The following PDCD2 variants were observed in gnomAD, a reference collection of about 807,000 sequenced individuals.
PDCD2 encodes the protein uS5 assembly chaperone PDCD2.
In PDCD2, 38 loss-of-function variants were observed where a neutral mutation model predicts 38.1. The ratio of observed to expected loss-of-function variants is 1.00; its 90% CI spans 0.77 to 1.31. The LOEUF is 1.31. PDCD2 is among the 50% of genes most tolerant of loss of function. The probability of loss-of-function intolerance (pLI) is 0.00; values close to 1 mark genes in which losing one functional copy is unlikely to be tolerated. For synonymous variants in PDCD2, 205 were observed against 168.9 expected (o/e 1.21, Z -1.66); for missense variants, 473 against 435.7 (o/e 1.09, Z -0.76).
chr6:170,580,962 A>G (rs1028587463), intron 3 of PDCD2: 1 of 152,196 alleles, frequency 6.6e-6, no homozygotes, highest in Non-Finnish European at 1.5e-5. Flanking sequence ...ATGCCTTCAG[A>G]TTGATGTTCC....
chr6:170,581,644 TC>T (rs1413200159), intron 3 of PDCD2: 1 of 158,234 alleles, frequency 6.3e-6, no homozygotes, highest in African/African-American at 2.4e-5. Context: ...AACATTATCT[TC>T]CTCCTACGCC....
Position 170,578,947 on chromosome 6 carries a change from AAT to A in PDCD2, c.784_785del (p.Ile262CysfsTer8), listed in dbSNP as rs1491403020. 5.0e-6 allele frequency: 8 copies of A among 1,598,066 alleles called. No homozygotes were observed. The highest frequency in any genetic ancestry group is 1.8e-5 in the Admixed American group (1 of 56,518). On this transcript the variant is annotated frameshift_variant, in exon 5 of 6. Transcript: ENST00000541970. LOFTEE classifies it high-confidence loss of function. ...TTTCACCAGAAATCCAGATGGGGGC[AAT>A]ACCTCTGCCATATCTAAGAATCTAA... ...PEQILRYGRG[I>X]APIWISGENI...
intron 2 of PDCD2, 24 bp from the exon 3 acceptor site, chr6:170,583,212 T>C (rs1342299763): frequency 6.9e-6 from 10 of 1,457,406 alleles, no homozygotes; most frequent in African/African-American, 1.4e-5. Context: ...GACAGCACTA[T>C]TAGTAATCAT....
intron 3 of PDCD2, chr6:170,582,769 G>A (rs899542381): frequency 3.1e-6 from 4 of 1,273,974 alleles, no homozygotes; most frequent in South Asian, 2.2e-5. Context: ...CCGAGAAACC[G>A]ATCTGCGACC....
At chr6:170,582,456 T>C (rs1291930690) in intron 3 of PDCD2, 1 of 1,417,140 alleles carries the variant, frequency 7.1e-7, no homozygotes, top group Non-Finnish European at 9.2e-7. Context: ...AAGAAAGTTA[T>C]ACCCAGAACC....
At position 170,583,696 on chromosome 6, in the gene PDCD2, G is replaced by A. The variant is rs535353957; in HGVS notation, c.335C>T (p.Pro112Leu). The A allele has an allele frequency of 2.5e-6, 4 of 1,613,056 alleles. No homozygotes were observed. The highest frequency in any genetic ancestry group is 2.2e-5 in the East Asian group (1 of 44,870). Reference sequence around the variant, plus strand: ...TGTTTCTGGGGGAGGATTCTCAGAAGGTGGCTCATATGAGTAAAAATCGTT... The same window carrying A: ...TGTTTCTGGGGGAGGATTCTCAGAAAGTGGCTCATATGAGTAAAAATCGTT... ...RKNDFYSYEPPSENPPPETGE... is the reference protein window; with the variant it reads ...RKNDFYSYEPLSENPPPETGE... Residue 112 changes from proline (P) to leucine (L), a missense_variant, in exon 2 of 6, where the codon CCT (proline) becomes CTT (leucine). Coordinates refer to ENST00000541970, the MANE Select transcript of PDCD2 (RefSeq NM_002598.4).
intron 4 of PDCD2, chr6:170,579,674 C>CG (rs1325623528): frequency 1.7e-5 from 3 of 177,590 alleles, no homozygotes; most frequent in Non-Finnish European, 2.3e-5. Context: ...TTCTTTCTGG[C>CG]GGGGGGGCCA....
At chr6:170,582,145 T>C (rs1486243008) in intron 3 of PDCD2, 12 of 1,533,832 alleles carry the variant, frequency 7.8e-6, no homozygotes, top group Middle Eastern at 1.7e-4. Flanking sequence ...CGTGTTCCCA[T>C]GGCACCTGTA....
intron 3 of PDCD2, 158 bp downstream of exon 3, chr6:170,582,899 C>T: frequency 6.9e-7 from 1 of 1,457,418 alleles, no homozygotes; most frequent in Non-Finnish European, 9.0e-7. Context: ...AAACAAAGTC[C>T]AGGAAGTATA....
chr6:170,584,481 C>G lies in PDCD2; in HGVS notation c.101G>C (p.Arg34Pro), dbSNP rs1001626835. The change falls in exon 1 of 6, where the codon CGG (arginine) becomes CCG (proline). Residue 34 changes from arginine to proline, a missense_variant. Arg to Pro is a moderately radical substitution (Grantham distance 103). Coordinates refer to ENST00000541970, the MANE Select transcript of PDCD2 (RefSeq NM_002598.4). ...CCCGGCCGCGCCCAGCCATGCCGGC[C>G]GCCCGCCCACCTTGCTGGGGAACTG... ...SEQFPSKVGGRPAWLGAAGLP... is the reference protein window; with the variant it reads ...SEQFPSKVGGPPAWLGAAGLP... 7 of 1,315,800 alleles carry G rather than the reference C, an allele frequency of 5.3e-6. No individual in the cohort carries two copies. Among genetic ancestry groups the G allele is most frequent in the Non-Finnish European group, 6.7e-6 (7 of 1,040,076 alleles). The allele number at this position is 1,315,800 out of a possible 1,614,324, so 81.5% of individuals were successfully genotyped here. A position where few individuals can be genotyped will look rare whatever the true frequency, so the allele number is the denominator to read the frequency against.
At chr6:170,581,547 A>C (rs1429408856) in intron 3 of PDCD2, 1 of 152,952 alleles carries the variant, frequency 6.5e-6, no homozygotes, top group African/African-American at 2.4e-5. Context: ...ACATTATATG[A>C]ACGTTTCCTG....
chr6:170,578,132 A>T (rs1318693057), intron 5 of PDCD2, among the ~76,000 whole-genome samples: 2 of 150,934 alleles, frequency 1.3e-5, no homozygotes, highest in East Asian at 2.0e-4. Context: ...GGAATCTTAG[A>T]AGTAGTCTAA....
chr6:170,577,860 T>C, intron 5 of PDCD2, 143 bp from the exon 6 acceptor site: 1 of 688,744 alleles, frequency 1.5e-6, no homozygotes. Context: ...AATTAACATG[T>C]TTAACAATCT....
At chr6:170,578,757 C>A in intron 5 of PDCD2, 100 bp downstream of exon 5, 3 of 790,250 alleles carry the variant, frequency 3.8e-6, no homozygotes, top group Non-Finnish European at 6.9e-6. Context: ...TTCCATACTG[C>A]CATGTTGACC....
rs1779736095 is a variant in PDCD2 at position 170,584,329 on chromosome 6, GGCA to G, written c.250_252del (p.Cys84del). 1.3e-6 allele frequency: 2 copies of G among 1,500,374 alleles called. No individual in the cohort carries two copies. Among genetic ancestry groups the G allele is most frequent in the South Asian group, 1.3e-5 (1 of 79,298 alleles). The allele number at this position is 1,500,374 out of a possible 1,614,324, so 92.9% of individuals were successfully genotyped here. A position where few individuals can be genotyped will look rare whatever the true frequency, so the allele number is the denominator to read the frequency against. ...AGGCCGGCACAGCACGGCTGCTCGC[GGCA>G]GCAGAAGAGGAAGATGCAGCGGTGG... On this transcript the variant is annotated inframe_deletion, in exon 1 of 6. Transcript: ENST00000541970.
rs150705808 is a variant in PDCD2 at position 170,580,263 on chromosome 6, C to T, written c.659-158G>A. 7.9e-5 allele frequency among the ~76,000 whole-genome samples: 12 copies of T among 152,326 alleles called. No homozygotes were observed. In the East Asian group the frequency reaches 1.7e-3, roughly 22 times the overall value. ...GAATTTCCAGGTACTCCATCCAACT[C>T]TATTATATGGACTTCCATTTAGTGC... is the stretch of plus-strand genomic sequence containing the variant. On this transcript the variant is annotated intron_variant, in intron 3 of 5. Coordinates refer to ENST00000541970, the MANE Select transcript of PDCD2 (RefSeq NM_002598.4).
chr6:170,581,911 A>T (rs970402181), intron 3 of PDCD2: 6 of 370,002 alleles, frequency 1.6e-5, no homozygotes, highest in African/African-American at 1.3e-4. Context: ...ATGATTAGGG[A>T]CTGCTTTTTA....
intron 3 of PDCD2, chr6:170,581,683 C>T (rs537252333): frequency 3.1e-5 from 5 of 161,718 alleles, no homozygotes; most frequent in African/African-American, 1.2e-4. Flanking sequence ...GTAACACCAA[C>T]ATAATTACTC....
At position 170,576,821 on chromosome 6, in the gene PDCD2, C is replaced by G. The variant is rs553058017; in HGVS notation, c.*738G>C. ...TCAGTGTCTCATCTGTAAGCAGGGC[C>G]GCTGGCTGACCAAGATCAGTTCTGA... On this transcript the variant is annotated 3_prime_UTR_variant, in exon 6 of 6. Coordinates refer to ENST00000541970, the MANE Select transcript of PDCD2 (RefSeq NM_002598.4). 1 of 152,244 alleles carries G rather than the reference C, an allele frequency of 6.6e-6. No homozygotes were observed. The highest frequency in any genetic ancestry group is 1.5e-5 in the Non-Finnish European group (1 of 68,082). 9.4% of individuals were successfully genotyped at this position (152,244 alleles called of 1,614,324 possible). A position where few individuals can be genotyped will look rare whatever the true frequency, so the allele number is the denominator to read the frequency against.
Sources: gnomAD v4.1 joint callset for allele counts (sites outside exome capture counted in the v4.1 genomes callset) on GRCh38, gnomAD v4.1.1 for gene constraint, MANE v1.5 for transcripts, NCBI Gene and HGNC (gene_info 2026-07-23, HGNC 2026-07-21) for gene names.